NEIL3: variants seen among roughly 807,000 people sequenced by gnomAD.
NEIL3 encodes the protein endonuclease 8-like 3.
Under a neutral mutation model 57.5 loss-of-function variants are expected in NEIL3, and 48 were observed. The ratio of observed to expected loss-of-function variants is 0.83; its 90% confidence interval spans 0.66 to 1.06. The LOEUF is 1.06. Ranked by LOEUF, NEIL3 falls within the 50% of genes least tolerant of loss-of-function variation. The pLI is 0.00. For missense variants in NEIL3, 717 were observed against 739.1 expected (o/e 0.97, Z 0.35); for synonymous variants, 261 against 253.2 (o/e 1.03, Z -0.29).
intron 6 of NEIL3, among the ~76,000 whole-genome samples, chr4:177,346,642 G>A (rs548952788): frequency 2.0e-5 from 3 of 152,232 alleles, no homozygotes; most frequent in African/African-American, 4.8e-5. Flanking sequence ...CAGTGATGGC[G>A]AATACTACCA....
At chr4:177,345,205 T>G (rs917056105) in intron 6 of NEIL3, among the ~76,000 whole-genome samples, 2 of 152,144 alleles carry the variant, frequency 1.3e-5, no homozygotes, top group African/African-American at 4.8e-5. Context: ...GACAAGGAAG[T>G]CTTTCTGAAA....
intron 6 of NEIL3, among the ~76,000 whole-genome samples, chr4:177,346,923 A>G (rs1262984591): frequency 1.3e-5 from 2 of 151,892 alleles, no homozygotes; most frequent in Non-Finnish European, 2.9e-5. Context: ...AATTGCTTCA[A>G]CGCGGGAGGT....
chr4:177,343,810 T>C (rs1196640138), intron 6 of NEIL3: 1 of 151,576 alleles, frequency 6.6e-6, no homozygotes, highest in African/African-American at 2.4e-5. Flanking sequence ...TTTTTTTTTA[T>C]GAACAAGAAC....
In NEIL3 at chr4:177,314,800, G is replaced by A. The variant is rs571605993; in HGVS notation, c.156+4691G>A. Among the ~76,000 whole-genome samples the A allele has an allele frequency of 3.4e-4, 51 of 152,164 alleles. No homozygotes were observed. In the East Asian group the frequency reaches 7.9e-3, roughly 24 times the overall value. On this transcript the variant is annotated intron_variant, in intron 1 of 9. Coordinates refer to ENST00000264596, the MANE Select transcript of NEIL3 (RefSeq NM_018248.3). ...TGATTAAAAAGTGTTGTTGTAGGCC[G>A]GGCGCGGTGGCTCACACCTGTAATT...
chr4:177,330,808 T>A (rs570628965), intron 2 of NEIL3, among the ~76,000 whole-genome samples: 1 of 152,284 alleles, frequency 6.6e-6, no homozygotes, highest in East Asian at 1.9e-4. Flanking sequence ...GCTATGTAAC[T>A]TTTTTTATAC....
intron 5 of NEIL3, among the ~76,000 whole-genome samples, chr4:177,341,157 T>G (rs3805164): frequency 0.18 from 28,122 of 152,016 alleles, 2,719 homozygotes; most frequent in Non-Finnish European, 0.22. Flanking sequence ...TAAAAAGCCT[T>G]AAAAGTGTAA....
intron 4 of NEIL3, among the ~76,000 whole-genome samples, chr4:177,337,104 A>G (rs1028995950): frequency 6.6e-6 from 1 of 152,138 alleles, no homozygotes; most frequent in African/African-American, 2.4e-5. Context: ...AAAAAAAAAA[A>G]AGTGGTTAAA....
At chr4:177,358,424 C>CA (rs2110940611) in intron 8 of NEIL3, among the ~76,000 whole-genome samples, 1 of 152,296 alleles carries the variant, frequency 6.6e-6, no homozygotes, top group African/African-American at 2.4e-5. Context: ...TCTTCTGACT[C>CA]AGCCTCCCGA....
chr4:177,365,482 A>G (rs1735681458), downstream of NEIL3, among the ~76,000 whole-genome samples: 1 of 152,140 alleles, frequency 6.6e-6, no homozygotes, highest in Non-Finnish European at 1.5e-5. Flanking sequence ...ATTTGCAAAC[A>G]TTTATTCTGT....
intron 6 of NEIL3, among the ~76,000 whole-genome samples, chr4:177,347,211 G>A (rs113362432): frequency 2.0e-5 from 3 of 152,078 alleles, no homozygotes; most frequent in African/African-American, 7.2e-5. Context: ...CTGAGGGTGG[G>A]GGAAATATTT....
At chr4:177,344,104 C>G (rs1345381489) in intron 6 of NEIL3, among the ~76,000 whole-genome samples, 1 of 152,104 alleles carries the variant, frequency 6.6e-6, no homozygotes, top group Admixed American at 6.5e-5. Context: ...CAAAAGAGAC[C>G]TATGAGTTAG....
intron 4 of NEIL3, among the ~76,000 whole-genome samples, chr4:177,338,385 G>A (rs1301143746): frequency 6.6e-6 from 1 of 152,128 alleles, no homozygotes; most frequent in African/African-American, 2.4e-5. Flanking sequence ...CTGAAGTCCT[G>A]CAGTTGGCCC....
chr4:177,322,452 C>T lies in NEIL3; in HGVS notation c.157-7C>T. On this transcript the variant is annotated splice_polypyrimidine_tract_variant and splice_region_variant and intron_variant, in intron 1 of 9. Transcript: ENST00000264596. ...GTGCTTATGTGTGTACATGTATTTT[C>T]CACTAGGCTGCTGCACTGAATAATG... 6.2e-7 allele frequency: 1 copy of T among 1,613,768 alleles called. No homozygotes were observed. Among genetic ancestry groups the T allele is most frequent in the Non-Finnish European group, 8.5e-7 (1 of 1,179,790 alleles).
At chr4:177,355,020 C>T (rs990090782) in intron 8 of NEIL3, among the ~76,000 whole-genome samples, 2 of 152,004 alleles carry the variant, frequency 1.3e-5, no homozygotes, top group East Asian at 3.9e-4. Flanking sequence ...TTCTGTTGAC[C>T]CTCCTTCCCC....
At chr4:177,327,228 C>T (rs1485183091) in intron 2 of NEIL3, among the ~76,000 whole-genome samples, 1 of 152,164 alleles carries the variant, frequency 6.6e-6, no homozygotes, top group Admixed American at 6.5e-5. Flanking sequence ...TCAATTAAGC[C>T]TCTTTCCTTT....
chr4:177,338,131 C>T (rs1039978722), intron 4 of NEIL3, among the ~76,000 whole-genome samples: 29 of 152,050 alleles, frequency 1.9e-4, no homozygotes, highest in Non-Finnish European at 1.2e-4. Flanking sequence ...CAAGATGTGA[C>T]TTAATATAGT....
rs1042275585 is a variant in NEIL3, at chr4:177,360,786, A to T, written c.1635+109A>T. ...GTTTTACCTTTTACCTTTAAATTTGAAATAGCCATATTGGCATTCAGTCTA... is the reference window on the plus strand; with the variant it reads ...GTTTTACCTTTTACCTTTAAATTTGTAATAGCCATATTGGCATTCAGTCTA... On this transcript the variant is annotated intron_variant, in intron 9 of 9. Coordinates refer to ENST00000264596, the MANE Select transcript of NEIL3 (RefSeq NM_018248.3). 87 of 812,150 alleles carry T rather than the reference A, an allele frequency of 1.1e-4. 1 individual carries two copies. In the Admixed American group the frequency reaches 2.2e-3, roughly 20 times the overall value. The allele number at this position is 812,150 out of a possible 1,614,324, so 50.3% of individuals were successfully genotyped here.
chr4:177,353,796 C>A, intron 8 of NEIL3, 68 bp downstream of exon 8: 1 of 1,336,700 alleles, frequency 7.5e-7, no homozygotes. Context: ...GACGAGGTCT[C>A]ACTCTGTCAC....
rs759209177 is a variant in NEIL3 at position 177,362,415 on chromosome 4, A to G, written c.1762A>G (p.Asn588Asp). 3 of 1,613,608 alleles carry G rather than the reference A, an allele frequency of 1.9e-6. No homozygotes were observed. The highest frequency in any genetic ancestry group is 2.5e-6 in the Non-Finnish European group (3 of 1,179,806). The change falls in exon 10 of 10, where the codon AAT becomes GAT. Residue 588 changes from asparagine (N) to aspartate (D), a missense_variant. Coordinates refer to ENST00000264596, the MANE Select transcript of NEIL3 (RefSeq NM_018248.3). Reference protein sequence around the residue: ...VCPLGKEKQCNFFQWAENGPG... With the variant: ...VCPLGKEKQCDFFQWAENGPG... Reference sequence around the variant, plus strand: ...TCCTCTTGGGAAGGAAAAACAATGCAATTTTTTCCAGTGGGCAGAAAATGG... The same window carrying G: ...TCCTCTTGGGAAGGAAAAACAATGCGATTTTTTCCAGTGGGCAGAAAATGG...
Sources: allele counts gnomAD v4.1 joint callset (sites outside exome capture counted in the v4.1 genomes callset), GRCh38; gene constraint gnomAD v4.1.1; transcripts MANE v1.5; gene names NCBI Gene and HGNC (gene_info 2026-07-23, HGNC 2026-07-21).